Variants in CDC123 observed in about 807,000 individuals in gnomAD.
CDC123 encodes the protein translation initiation factor eIF2 assembly protein.
Under a neutral mutation model 54.4 loss-of-function variants are expected in CDC123, and 37 were observed. That is an observed-to-expected ratio of 0.68 (90% CI 0.52 to 0.89). The LOEUF (loss-of-function observed/expected upper bound fraction) is 0.89. Ranked by LOEUF, CDC123 falls within the 40% of genes least tolerant of loss-of-function variation. The pLI is 0.00. For synonymous variants in CDC123, 144 were observed against 136.8 expected, an observed-to-expected ratio of 1.05 and a Z score of -0.37; for missense variants, 361 against 412.1, an observed-to-expected ratio of 0.88 and a Z score of 1.07.
At chr10:12,197,858 C>CA (rs1275394558) in intron 1 of CDC123, among the ~76,000 whole-genome samples, 2 of 151,472 alleles carry the variant, frequency 1.3e-5, no homozygotes, top group Non-Finnish European at 2.9e-5. Flanking sequence ...CTTTTTTGTG[C>CA]AAAAAAACCA....
chr10:12,225,640 T>C lies in CDC123; in HGVS notation c.441-5308T>C, dbSNP rs1835800539. ...GTTGTCTACAGATTTGATTGCATAATGAACTTTAGAAATCACCCAATACCA... is the reference window on the plus strand; with the variant it reads ...GTTGTCTACAGATTTGATTGCATAACGAACTTTAGAAATCACCCAATACCA... On this transcript the variant is annotated intron_variant, in intron 6 of 12. Coordinates refer to ENST00000281141, the MANE Select transcript of CDC123 (RefSeq NM_006023.3). Among the ~76,000 whole-genome samples, 8 of 150,706 alleles carry C rather than the reference T, an allele frequency of 5.3e-5. No individual in the cohort carries two copies. In the South Asian group the frequency reaches 1.7e-3, roughly 32 times the overall value.
intron 2 of CDC123, among the ~76,000 whole-genome samples, chr10:12,208,416 G>A (rs1439885097): frequency 6.6e-6 from 1 of 152,160 alleles, no homozygotes; most frequent in Non-Finnish European, 1.5e-5. Context: ...GGGGCCAATG[G>A]TGTGGGTGGT....
chr10:12,212,158 G>A (rs1835611664), intron 4 of CDC123, among the ~76,000 whole-genome samples: 1 of 152,230 alleles, frequency 6.6e-6, no homozygotes, highest in African/African-American at 2.4e-5. Flanking sequence ...AAAGGTGTGT[G>A]TGTGTATTTA....
At chr10:12,246,087 C>T (rs1230563808) in intron 10 of CDC123, 62 bp from the exon 11 acceptor site, 1 of 1,556,288 alleles carries the variant, frequency 6.4e-7, no homozygotes, top group African/African-American at 1.4e-5. Context: ...AAAAGTGTTT[C>T]TTTCTCAGAA....
At chr10:12,228,441 G>A (rs1256324142) in intron 6 of CDC123, among the ~76,000 whole-genome samples, 5 of 150,130 alleles carry the variant, frequency 3.3e-5, no homozygotes, top group Non-Finnish European at 5.9e-5. Flanking sequence ...TGTCTTACTC[G>A]GTCACCCAGG....
intron 11 of CDC123, 99 bp from the exon 12 acceptor site, chr10:12,249,482 C>A: frequency 1.7e-6 from 2 of 1,209,690 alleles, no homozygotes; most frequent in South Asian, 1.5e-5. Flanking sequence ...CAGAGGAAAA[C>A]ATGGAGTTGA....
chr10:12,243,862 A>C (rs1836092914), intron 10 of CDC123, among the ~76,000 whole-genome samples: 1 of 152,190 alleles, frequency 6.6e-6, no homozygotes. Flanking sequence ...ACATATATTG[A>C]AGACATCTTA....
chr10:12,227,162 A>G (rs989028915), intron 6 of CDC123, among the ~76,000 whole-genome samples: 17 of 152,058 alleles, frequency 1.1e-4, no homozygotes, highest in African/African-American at 3.9e-4. Flanking sequence ...AGGCTGAAGC[A>G]GGAGAATCAG....
At chr10:12,217,302 G>A (rs1226944557) in intron 5 of CDC123, 59 bp from the exon 6 acceptor site, 2 of 1,535,334 alleles carry the variant, frequency 1.3e-6, no homozygotes, top group African/African-American at 2.7e-5. Context: ...TTATAGGCCT[G>A]AGCATTCATA....
chr10:12,249,845 A>T (rs1836216924), intron 12 of CDC123, 127 bp downstream of exon 12: 1 of 1,218,076 alleles, frequency 8.2e-7, no homozygotes, highest in Non-Finnish European at 1.1e-6. Flanking sequence ...GAACCAAGTT[A>T]CTGAGTTAGA....
chr10:12,198,784 AT>A lies in CDC123; in HGVS notation c.146+12del. On this transcript the variant is annotated intron_variant, in intron 2 of 12. Transcript: ENST00000281141. The stretch of plus-strand genomic sequence containing the variant: ...TCTGGTGGTTTCAGGAAGGTAAAGT[AT>A]TTTAGAAAAAAATTTCTTAAACTTT... 6.7e-7 allele frequency: 1 copy of A among 1,497,450 alleles called. No homozygotes were observed. The highest frequency in any genetic ancestry group is 9.2e-7 in the Non-Finnish European group (1 of 1,083,600). The allele number at this position is 1,497,450 out of a possible 1,614,324, so 92.8% of individuals were successfully genotyped here. A position where few individuals can be genotyped will look rare whatever the true frequency, so the allele number is the denominator to read the frequency against.
At chr10:12,246,027 A>C in intron 10 of CDC123, 122 bp from the exon 11 acceptor site, 1 of 1,037,014 alleles carries the variant, frequency 9.6e-7, no homozygotes, top group South Asian at 1.5e-5. Context: ...CCGTGATCAC[A>C]CCAGTGCACT....
intron 2 of CDC123, among the ~76,000 whole-genome samples, chr10:12,201,456 A>G (rs968950114): frequency 8.6e-5 from 13 of 151,784 alleles, no homozygotes; most frequent in African/African-American, 2.9e-4. Context: ...TGAGATGTGA[A>G]GATTGGAGGA....
At chr10:12,227,231 C>CAGAGGGAGACCGTGGAGAGAGAGGG (rs1835834996) in intron 6 of CDC123, among the ~76,000 whole-genome samples, 2 of 134,634 alleles carry the variant, frequency 1.5e-5, no homozygotes, top group African/African-American at 5.6e-5. Flanking sequence ...TGCTCGGCAT[C>CAGAGGGAGACCGTGGAGAGAGAGGG]AGAGGGAGAC....
intron 11 of CDC123, among the ~76,000 whole-genome samples, chr10:12,248,499 G>A (rs183747610): frequency 1.4e-4 from 21 of 146,452 alleles, no homozygotes; most frequent in South Asian, 4.3e-4. Context: ...GTGACAGAGC[G>A]GGACTCCGTC....
chr10:12,247,353 C>T lies in CDC123; in HGVS notation c.846+1076C>T, dbSNP rs1385512749. On this transcript the variant is annotated intron_variant, in intron 11 of 12. Transcript: ENST00000281141. ...CTGTGTCCTCCTCTCTCACCTCCCC[C>T]TAAGGACACTGTCCTCTTCTCGCAC... 4 of 109,092 alleles carry T rather than the reference C, an allele frequency of 3.7e-5. 2 individuals are homozygous for T. In the South Asian group the frequency reaches 1.4e-3, roughly 37 times the overall value. The allele number at this position is 109,092 out of a possible 1,614,324, so 6.8% of individuals were successfully genotyped here. A position where few individuals can be genotyped will look rare whatever the true frequency, so the allele number is the denominator to read the frequency against.
chr10:12,232,139 G>A (rs957750182), intron 7 of CDC123, among the ~76,000 whole-genome samples: 2 of 152,004 alleles, frequency 1.3e-5, no homozygotes, highest in African/African-American at 4.8e-5. Flanking sequence ...GAACCACTGC[G>A]CCCTGCCTTT....
In CDC123 at chr10:12,245,733, T is replaced by C. The variant is rs528615918; in HGVS notation, c.718-416T>C. ...TCAGATGGGATATAGACAGATGATC[T>C]TTTGAAATAAGTGAGAAGATTTTTA... is the stretch of plus-strand genomic sequence containing the variant. On this transcript the variant is annotated intron_variant, in intron 10 of 12. Transcript: ENST00000281141. 6.3e-5 allele frequency: 10 copies of C among 157,762 alleles called. 1 individual carries two copies. In the South Asian group the frequency reaches 1.8e-3, roughly 28 times the overall value. The allele number at this position is 157,762 out of a possible 1,614,324, so 9.8% of individuals were successfully genotyped here.
At chr10:12,205,187 C>T (rs1318102598) in intron 2 of CDC123, among the ~76,000 whole-genome samples, 1 of 152,066 alleles carries the variant, frequency 6.6e-6, no homozygotes, top group Non-Finnish European at 1.5e-5. Flanking sequence ...TCTTCCTGTG[C>T]CTGGCTTACT....
Sources: allele counts gnomAD v4.1 joint callset (sites outside exome capture counted in the v4.1 genomes callset), GRCh38; gene constraint gnomAD v4.1.1; transcripts MANE v1.5; gene names NCBI Gene and HGNC (gene_info 2026-07-23, HGNC 2026-07-21).